MYOCD: variants seen among roughly 807,000 people sequenced by gnomAD.
The protein encoded by MYOCD is myocardin.
A neutral mutation model predicts 96.1 loss-of-function variants in MYOCD; 32 were observed. The observed-to-expected ratio is 0.33, with a 90% CI of 0.25 to 0.45. The LOEUF is 0.45. Ranked by LOEUF, MYOCD falls within the 20% of genes least tolerant of loss-of-function variation. MYOCD has a pLI of 1.00. For missense variants in MYOCD, 1,133 were observed against 1,200.6 expected (o/e 0.94, Z 0.83); for synonymous variants, 469 against 469.0 (o/e 1.00, Z 0.00).
intron 1 of MYOCD, among the ~76,000 whole-genome samples, chr17:12,704,190 G>C (rs2031196712): frequency 6.6e-6 from 1 of 152,166 alleles, no homozygotes; most frequent in Admixed American, 6.5e-5. Context: ...TATTTTAGCA[G>C]ATGATTAATC....
At chr17:12,726,084 G>T (rs900418786) in intron 5 of MYOCD, among the ~76,000 whole-genome samples, 2 of 152,066 alleles carry the variant, frequency 1.3e-5, no homozygotes, top group Non-Finnish European at 2.9e-5. Context: ...GGATAATGCT[G>T]GCTGGGGAAC....
intron 5 of MYOCD, among the ~76,000 whole-genome samples, chr17:12,723,449 C>T (rs759469658): frequency 6.6e-6 from 1 of 152,282 alleles, no homozygotes; most frequent in Admixed American, 6.5e-5. Flanking sequence ...ATGGAGGTGA[C>T]AGTACTCACC....
chr17:12,698,903 C>T (rs958546097), intron 1 of MYOCD, among the ~76,000 whole-genome samples: 28 of 151,304 alleles, frequency 1.9e-4, no homozygotes, highest in African/African-American at 4.6e-4. Context: ...CCACCACGCC[C>T]GGCTAATTTT....
chr17:12,703,953 C>A (rs1162848580), intron 1 of MYOCD, among the ~76,000 whole-genome samples: 1 of 151,974 alleles, frequency 6.6e-6, no homozygotes, highest in Non-Finnish European at 1.5e-5. Context: ...TTGTCCATTT[C>A]TTTTACTTCA....
At chr17:12,750,174 A>AT (rs893878928) in intron 9 of MYOCD, among the ~76,000 whole-genome samples, 4 of 152,018 alleles carry the variant, frequency 2.6e-5, no homozygotes, top group Non-Finnish European at 1.5e-5. Context: ...TGCCGTGAAC[A>AT]TTTATGTGTC....
intron 7 of MYOCD, among the ~76,000 whole-genome samples, chr17:12,743,467 A>C (rs2032569722): frequency 1.3e-5 from 2 of 149,920 alleles, no homozygotes; most frequent in South Asian, 2.1e-4. Flanking sequence ...AAGTGACTGC[A>C]CATATGCATA....
chr17:12,734,078 C>G (rs1184870307), intron 5 of MYOCD, among the ~76,000 whole-genome samples: 1 of 150,374 alleles, frequency 6.7e-6, no homozygotes, highest in African/African-American at 2.4e-5. Context: ...ACCCTCTCTC[C>G]CCTTCTCTTA....
intron 2 of MYOCD, 24 bp from the exon 3 acceptor site, chr17:12,715,495 C>CAA: frequency 6.2e-7 from 1 of 1,611,136 alleles, no homozygotes; most frequent in East Asian, 2.2e-5. Flanking sequence ...AGCCTCCACT[C>CAA]ACGTTTTTGT....
rs775633332 is a variant in MYOCD, at chr17:12,744,326, T to G, written c.861T>G (p.Ala287=). The G allele has an allele frequency of 1.9e-6, 3 of 1,614,158 alleles. No individual in the cohort carries two copies. Among genetic ancestry groups the G allele is most frequent in the South Asian group, 2.2e-5 (2 of 91,070 alleles). Reference sequence around the variant, plus strand: ...CTCCACCTATGGACTCAGCCTACGCTCGGCTGCTCCAGCAACAGCAGCTGT... The same window carrying G: ...CTCCACCTATGGACTCAGCCTACGCGCGGCTGCTCCAGCAACAGCAGCTGT... The part of the protein sequence containing the change: ...KSPPPMDSAY[A]RLLQQQQLFL... The change falls in exon 8 of 14, where the codon GCT becomes GCG. Residue 287 remains alanine, a synonymous_variant. Coordinates refer to ENST00000425538, the MANE Select transcript of MYOCD (RefSeq NM_001146312.3).
At chr17:12,704,989 A>G (rs1431160399) in intron 1 of MYOCD, 139 bp from the exon 2 acceptor site, 1 of 644,112 alleles carries the variant, frequency 1.6e-6, no homozygotes, top group African/African-American at 1.8e-5. Flanking sequence ...TGTGTCTACA[A>G]CAGAAATTAA....
intron 5 of MYOCD, among the ~76,000 whole-genome samples, chr17:12,730,918 A>C (rs2032151717): frequency 6.6e-6 from 1 of 152,312 alleles, no homozygotes; most frequent in East Asian, 1.9e-4. Flanking sequence ...TAATCTTGGC[A>C]TTTTAAATGT....
At chr17:12,760,305 T>G (rs1307865292) in intron 12 of MYOCD, 1 of 309,464 alleles carries the variant, frequency 3.2e-6, no homozygotes, top group Non-Finnish European at 6.3e-6. Flanking sequence ...AATAGTCAAA[T>G]TCGTAAAGGC....
At position 12,753,126 on chromosome 17, in the gene MYOCD, A is replaced by T. The variant is rs773713200; in HGVS notation, c.1838A>T (p.His613Leu). 5 of 1,613,968 alleles carry T rather than the reference A, an allele frequency of 3.1e-6. No homozygotes were observed. In the African/African-American group the frequency reaches 6.7e-5, roughly 22 times the overall value. The change falls in exon 10 of 14, where the codon CAT becomes CTT. Residue 613 changes from histidine (H) to leucine (L), a missense_variant. Transcript: ENST00000425538. ...CAACTCCAGCCTCTTGGAAATGCTC[A>T]TTGTGTGGAGTCCTCAGATCAAACC... The part of the protein sequence containing the change: ...AAQLQPLGNA[H>L]CVESSDQTNV...
chr17:12,732,714 A>G (rs1831571584), intron 5 of MYOCD, among the ~76,000 whole-genome samples: 2 of 152,040 alleles, frequency 1.3e-5, no homozygotes, highest in South Asian at 4.2e-4. Context: ...GATTACCTAC[A>G]CCTTTATTCC....
At position 12,725,072 on chromosome 17, in the gene MYOCD, G is replaced by A. The variant is rs560104086; in HGVS notation, c.415+2064G>A. ...CCTTTGCAAAGTTTGTTGTTTTTAAGTAAAGTCACATTGATTATTGCTGAT... is the reference window on the plus strand; with the variant it reads ...CCTTTGCAAAGTTTGTTGTTTTTAAATAAAGTCACATTGATTATTGCTGAT... On this transcript the variant is annotated intron_variant, in intron 5 of 13. Coordinates refer to ENST00000425538, the MANE Select transcript of MYOCD (RefSeq NM_001146312.3). Among the ~76,000 whole-genome samples, 5 of 151,878 alleles carry A rather than the reference G, an allele frequency of 3.3e-5. No individual in the cohort carries two copies. In the East Asian group the frequency reaches 9.6e-4, roughly 29 times the overall value.
intron 12 of MYOCD, chr17:12,760,422 A>C (rs2033137072): frequency 2.0e-6 from 1 of 497,644 alleles, no homozygotes; most frequent in Non-Finnish European, 3.7e-6. Context: ...TTCTGAAGAC[A>C]GATGGTGGTG....
chr17:12,758,337 CAA>C, intron 12 of MYOCD, 124 bp downstream of exon 12: 3 of 1,352,218 alleles, frequency 2.2e-6, no homozygotes, highest in Non-Finnish European at 3.0e-6. Context: ...GCCATACCAC[CAA>C]AATAAGCAAA....
rs2032534362 is a variant in MYOCD, at chr17:12,742,287, G to A, written c.718-1896G>A. 2.6e-5 allele frequency among the ~76,000 whole-genome samples: 4 copies of A among 152,194 alleles called. No individual in the cohort carries two copies. The South Asian group carries it at 8.3e-4, about 32-fold the overall frequency. On this transcript the variant is annotated intron_variant, in intron 7 of 13. Coordinates refer to ENST00000425538, the MANE Select transcript of MYOCD (RefSeq NM_001146312.3). ...GTGTTCATTATTCATTAGTCGCCAG[G>A]AAGAAGTCTCTTTGGAAAACAAAAG...
intron 1 of MYOCD, among the ~76,000 whole-genome samples, chr17:12,702,302 A>G (rs1202935875): frequency 6.6e-6 from 1 of 151,980 alleles, no homozygotes; most frequent in African/African-American, 2.4e-5. Context: ...AATTTCCATT[A>G]TTTATCTCTG....
Sources: allele counts gnomAD v4.1 joint callset (sites outside exome capture counted in the v4.1 genomes callset), GRCh38; gene constraint gnomAD v4.1.1; transcripts MANE v1.5; gene names NCBI Gene and HGNC (gene_info 2026-07-23, HGNC 2026-07-21).